COL24A1: variants seen among roughly 807,000 people sequenced by gnomAD.
COL24A1 encodes the protein collagen type XXIV alpha 1 chain, also known as collagen alpha-1(XXIV) chain.
A neutral mutation model predicts 253.9 loss-of-function variants in COL24A1; 224 were observed. The observed-to-expected ratio is 0.88, with a 90% CI of 0.79 to 0.99. The LOEUF (loss-of-function observed/expected upper bound fraction) is 0.99. Among genes scored for constraint, COL24A1 ranks in the 50% least tolerant of loss-of-function variants. The pLI is 0.00. For missense variants in COL24A1, 2,131 were observed against 2,068.5 expected (o/e 1.03, Z -0.59); for synonymous variants, 685 against 673.7 (o/e 1.02, Z -0.26).
chr1:85,805,445 C>A (rs1671860350), intron 47 of COL24A1, among the ~76,000 whole-genome samples: 1 of 152,044 alleles, frequency 6.6e-6, no homozygotes, highest in South Asian at 2.1e-4. Context: ...ATAACTGATA[C>A]AAATCAGTAG....
At chr1:85,780,408 A>G (rs1669029191) in intron 52 of COL24A1, among the ~76,000 whole-genome samples, 2 of 152,228 alleles carry the variant, frequency 1.3e-5, no homozygotes, top group South Asian at 2.1e-4. Flanking sequence ...TGTTTATACT[A>G]TTATCAATAT....
At chr1:86,062,040 T>C (rs1483976700) in intron 8 of COL24A1, among the ~76,000 whole-genome samples, 6 of 152,164 alleles carry the variant, frequency 3.9e-5, no homozygotes, top group Admixed American at 3.3e-4. Flanking sequence ...AATAGAACAA[T>C]GCGTAGAAAT....
intron 47 of COL24A1, 60 bp downstream of exon 47, chr1:85,816,728 G>T: frequency 1.4e-6 from 2 of 1,400,932 alleles, no homozygotes; most frequent in Non-Finnish European, 2.0e-6. Flanking sequence ...AATATCTATG[G>T]TCTAGCAAGG....
chr1:86,038,774 A>G (rs1215836733), intron 12 of COL24A1, among the ~76,000 whole-genome samples: 1 of 152,076 alleles, frequency 6.6e-6, no homozygotes, highest in Non-Finnish European at 1.5e-5. Context: ...AGAGGTCTCC[A>G]TGGGGAGGAA....
intron 25 of COL24A1, among the ~76,000 whole-genome samples, 153 bp from the exon 26 acceptor site, chr1:85,910,156 C>A (rs143714115): frequency 6.6e-6 from 1 of 151,648 alleles, no homozygotes; most frequent in Non-Finnish European, 1.5e-5. Context: ...ACAAATTTGG[C>A]GCTTTATCTT....
chr1:86,113,333 A>G (rs557282121), intron 4 of COL24A1, among the ~76,000 whole-genome samples: 1 of 152,318 alleles, frequency 6.6e-6, no homozygotes, highest in South Asian at 2.1e-4. Context: ...AAAGCCTTCC[A>G]TGTCTCCAGG....
chr1:85,896,429 C>G lies in COL24A1; in HGVS notation c.2779-20G>C, dbSNP rs765012813. On this transcript the variant is annotated intron_variant, in intron 28 of 59. Coordinates refer to ENST00000370571, the MANE Select transcript of COL24A1 (RefSeq NM_152890.7). The stretch of plus-strand genomic sequence containing the variant: ...TGATCCCTAGAGGTGAAAAAAATAT[C>G]CTGTTGTTAATTTGAAATGTTCCTT... 9 of 1,599,242 alleles carry G rather than the reference C, an allele frequency of 5.6e-6. No individual in the cohort carries two copies. In the East Asian group the frequency reaches 2.0e-4, roughly 36 times the overall value.
In COL24A1 at chr1:86,156,570, G is replaced by A. The variant is rs1653652255; in HGVS notation, c.-174C>T. 5 of 483,370 alleles carry A rather than the reference G, an allele frequency of 1.0e-5. No individual in the cohort carries two copies. The East Asian group carries it at 1.8e-4, about 17-fold the overall frequency. 29.9% of individuals were successfully genotyped at this position (483,370 alleles called of 1,614,324 possible). ...GAGGGGGTGAAGTCGGGAGGAGGTA[G>A]GAAATAGCACCCGAAGGGGAGGACA... On this transcript the variant is annotated 5_prime_UTR_variant, in exon 1 of 60. Transcript: ENST00000370571.
intron 19 of COL24A1, among the ~76,000 whole-genome samples, chr1:85,999,595 G>T (rs976145132): frequency 5.9e-5 from 9 of 151,546 alleles, no homozygotes; most frequent in Non-Finnish European, 1.2e-4. Context: ...TAGCCTGGGT[G>T]GGCAACAGAA....
chr1:85,828,484 C>A (rs1231100017), intron 43 of COL24A1, among the ~76,000 whole-genome samples: 2 of 151,114 alleles, frequency 1.3e-5, no homozygotes, highest in Non-Finnish European at 3.0e-5. Context: ...TCCTTGTTGA[C>A]TTTCTGTCTC....
At chr1:85,816,501 G>A (rs945120018) in intron 47 of COL24A1, among the ~76,000 whole-genome samples, 1 of 152,188 alleles carries the variant, frequency 6.6e-6, no homozygotes, top group Non-Finnish European at 1.5e-5. Context: ...AGGTTGTGTA[G>A]TCCTTAAGCT....
At chr1:85,746,202 A>C (rs1665196736) in intron 55 of COL24A1, among the ~76,000 whole-genome samples, 4 of 152,180 alleles carry the variant, frequency 2.6e-5, no homozygotes, top group Admixed American at 2.6e-4. Context: ...TGAAACAAGC[A>C]ATTTAATTTC....
chr1:85,833,893 A>C lies in COL24A1; in HGVS notation c.3681+4692T>G, dbSNP rs1340778153. ...AAAAAACCAAACACTGCATGTTCTC[A>C]CTTATAGGTGGGAATTGAACAATGA... On this transcript the variant is annotated intron_variant, in intron 43 of 59. Transcript: ENST00000370571. Among the ~76,000 whole-genome samples the C allele has an allele frequency of 3.4e-5, 5 of 147,036 alleles. No homozygotes were observed. The South Asian group carries it at 1.1e-3, about 33-fold the overall frequency.
chr1:85,844,493 G>C (rs1431532349), intron 39 of COL24A1, among the ~76,000 whole-genome samples: 1 of 151,952 alleles, frequency 6.6e-6, no homozygotes, highest in Non-Finnish European at 1.5e-5. Context: ...AATTCAAGAA[G>C]AGATTAATAC....
intron 24 of COL24A1, among the ~76,000 whole-genome samples, chr1:85,953,658 C>T (rs1690150626): frequency 6.6e-6 from 1 of 152,082 alleles, no homozygotes; most frequent in Non-Finnish European, 1.5e-5. Context: ...ATCACAGTAT[C>T]CTTCTAAAGC....
intron 24 of COL24A1, among the ~76,000 whole-genome samples, chr1:85,917,228 G>T (rs759510316): frequency 1.3e-5 from 2 of 152,034 alleles, no homozygotes; most frequent in East Asian, 1.9e-4. Flanking sequence ...ATTTTAAAAC[G>T]CATACAATAA....
At chr1:85,812,622 C>T (rs116757766) in intron 47 of COL24A1, among the ~76,000 whole-genome samples, 327 of 152,152 alleles carry the variant, frequency 2.1e-3, no homozygotes, top group Non-Finnish European at 3.6e-3. Context: ...TAAGAAGGTC[C>T]GAGGAAGATA....
rs752673354 is a variant in COL24A1 at position 86,092,285 on chromosome 1, T to C, written c.1635A>G (p.Gln545=). 8 of 1,604,768 alleles carry C rather than the reference T, an allele frequency of 5.0e-6. No homozygotes were observed. The highest frequency in any genetic ancestry group is 2.7e-5 in the African/African-American group (2 of 74,684). Residue 545 remains glutamine (Q), a synonymous_variant, in exon 6 of 60, where the codon CAA becomes CAG. Coordinates refer to ENST00000370571, the MANE Select transcript of COL24A1 (RefSeq NM_152890.7). The part of the protein sequence containing the change: ...PKGDPGFSPG[Q]PVPGEKGDQG... ...TAATTACCTTTTCTCCAGGAACAGG[T>C]TGACCTGGGGAAAATCCTGGATCTC...
chr1:86,127,249 T>G (rs1296109915), intron 2 of COL24A1, among the ~76,000 whole-genome samples: 2 of 152,118 alleles, frequency 1.3e-5, no homozygotes, highest in Non-Finnish European at 2.9e-5. Context: ...TCTTTCAATA[T>G]CTATTATGTA....
Sources: gnomAD v4.1 joint callset for allele counts (sites outside exome capture counted in the v4.1 genomes callset) on GRCh38, gnomAD v4.1.1 for gene constraint, MANE v1.5 for transcripts, NCBI Gene and HGNC (gene_info 2026-07-23, HGNC 2026-07-21) for gene names.